Variants in ZFPM2 observed in about 807,000 individuals in gnomAD.
ZFPM2 encodes the protein zinc finger protein, FOG family member 2.
ZFPM2 carries 20 observed loss-of-function variants against 98.6 expected under a neutral mutation model. The observed-to-expected ratio is 0.20, with a 90% CI of 0.14 to 0.29. The LOEUF is 0.29. Among genes scored for constraint, ZFPM2 ranks in the 10% least tolerant of loss-of-function variants. ZFPM2 has a pLI of 1.00. For synonymous variants in ZFPM2, 518 were observed against 502.7 expected (o/e 1.03, Z -0.41); for missense variants, 1,310 against 1,388.6 (o/e 0.94, Z 0.90).
chr8:105,721,727 A>G (rs934854507), intron 5 of ZFPM2, among the ~76,000 whole-genome samples: 23 of 151,928 alleles, frequency 1.5e-4, no homozygotes, highest in African/African-American at 4.6e-4. Flanking sequence ...CCTTCTATCC[A>G]TGAATATTGA....
At chr8:105,669,296 A>G (rs1289556726) in intron 5 of ZFPM2, among the ~76,000 whole-genome samples, 1 of 151,932 alleles carries the variant, frequency 6.6e-6, no homozygotes, top group Non-Finnish European at 1.5e-5. Flanking sequence ...AAATTCTCAT[A>G]GCTCTAGGTC....
At chr8:105,664,130 G>A (rs1817444690) in intron 5 of ZFPM2, among the ~76,000 whole-genome samples, 1 of 152,162 alleles carries the variant, frequency 6.6e-6, no homozygotes, top group South Asian at 2.1e-4. Flanking sequence ...TTAAAGGTTG[G>A]TAGATTTTGA....
intron 1 of ZFPM2, among the ~76,000 whole-genome samples, chr8:105,404,304 T>C (rs1315436235): frequency 6.6e-6 from 1 of 151,992 alleles, no homozygotes; most frequent in African/African-American, 2.4e-5. Flanking sequence ...TTGTGGAAAA[T>C]AGAATTTATT....
chr8:105,599,075 C>T (rs181672901), intron 4 of ZFPM2, among the ~76,000 whole-genome samples: 63 of 152,038 alleles, frequency 4.1e-4, no homozygotes, highest in African/African-American at 1.4e-3. Context: ...ACTGTGGACC[C>T]GCAAAAAATT....
chr8:105,677,763 C>T (rs1810505194), intron 5 of ZFPM2, among the ~76,000 whole-genome samples: 1 of 152,056 alleles, frequency 6.6e-6, no homozygotes, highest in East Asian at 1.9e-4. Context: ...TAGGAGATTC[C>T]TCTTTTAAAT....
At chr8:105,729,577 C>T (rs1439363381) in intron 5 of ZFPM2, among the ~76,000 whole-genome samples, 1 of 151,660 alleles carries the variant, frequency 6.6e-6, no homozygotes, top group Non-Finnish European at 1.5e-5. Context: ...ACTTTAACAA[C>T]ATTACGCTAA....
chr8:105,444,186 A>T, intron 2 of ZFPM2, 94 bp from the exon 3 acceptor site: 2 of 914,904 alleles, frequency 2.2e-6, no homozygotes, highest in Non-Finnish European at 3.5e-6. Context: ...ACCTGTAATT[A>T]GATATATGAT....
chr8:105,557,245 C>T (rs186255065), intron 3 of ZFPM2, among the ~76,000 whole-genome samples: 25 of 152,214 alleles, frequency 1.6e-4, no homozygotes, highest in African/African-American at 5.5e-4. Context: ...ATGATATACT[C>T]TTTAATCCTA....
intron 1 of ZFPM2, among the ~76,000 whole-genome samples, chr8:105,413,074 C>T (rs1325731027): frequency 6.6e-6 from 1 of 151,606 alleles, no homozygotes; most frequent in Non-Finnish European, 1.5e-5. Context: ...TATTTTTTTC[C>T]CCAATACTAA....
At chr8:105,459,840 T>C (rs1196958065) in intron 3 of ZFPM2, among the ~76,000 whole-genome samples, 2 of 152,162 alleles carry the variant, frequency 1.3e-5, no homozygotes. Flanking sequence ...ATATGAGTTT[T>C]GGGGGAACAC....
At chr8:105,434,362 G>C (rs1215385990) in intron 2 of ZFPM2, among the ~76,000 whole-genome samples, 1 of 152,116 alleles carries the variant, frequency 6.6e-6, no homozygotes, top group African/African-American at 2.4e-5. Flanking sequence ...AATATTGTGA[G>C]GCTATTAAGC....
chr8:105,643,326 A>G (rs1816981103), intron 5 of ZFPM2, among the ~76,000 whole-genome samples: 1 of 152,110 alleles, frequency 6.6e-6, no homozygotes, highest in Admixed American at 6.6e-5. Flanking sequence ...TCGTTTTCCT[A>G]TCAGCCCCTC....
intron 3 of ZFPM2, among the ~76,000 whole-genome samples, chr8:105,475,725 C>T (rs113560606): frequency 0.015 from 2,288 of 152,212 alleles, 54 homozygotes; most frequent in African/African-American, 0.053. Context: ...AAACAAAATT[C>T]GTCAGCTGTT....
intron 2 of ZFPM2, among the ~76,000 whole-genome samples, chr8:105,443,981 A>T (rs1026841173): frequency 1.3e-5 from 2 of 152,204 alleles, no homozygotes; most frequent in Admixed American, 6.5e-5. Flanking sequence ...AAAAAATTAT[A>T]AACTGCAATT....
chr8:105,321,373 A>G (rs1812022538), intron 1 of ZFPM2, among the ~76,000 whole-genome samples: 1 of 152,240 alleles, frequency 6.6e-6, no homozygotes, highest in Non-Finnish European at 1.5e-5. Context: ...TGGATCAAAT[A>G]TAAGTTTGGA....
At chr8:105,400,545 C>CT (rs1263466414) in intron 1 of ZFPM2, among the ~76,000 whole-genome samples, 1 of 152,000 alleles carries the variant, frequency 6.6e-6, no homozygotes, top group Non-Finnish European at 1.5e-5. Flanking sequence ...TTTTTTCTAA[C>CT]TTTATTGTTT....
At chr8:105,663,235 G>A (rs1051311509) in intron 5 of ZFPM2, among the ~76,000 whole-genome samples, 1 of 149,496 alleles carries the variant, frequency 6.7e-6, no homozygotes, top group African/African-American at 2.4e-5. Context: ...TTTAGTCGTG[G>A]GGGGCAAGGG....
chr8:105,683,403 G>A (rs776731997), intron 5 of ZFPM2, among the ~76,000 whole-genome samples: 7 of 152,058 alleles, frequency 4.6e-5, no homozygotes, highest in African/African-American at 1.4e-4. Context: ...AAACAGCCTC[G>A]TGGAATCAAG....
chr8:105,631,621 T>C (rs1816757003), intron 4 of ZFPM2, among the ~76,000 whole-genome samples: 2 of 152,314 alleles, frequency 1.3e-5, no homozygotes, highest in South Asian at 4.1e-4. Context: ...CCCGAAACAA[T>C]TGATACATGT....
Sources: allele counts gnomAD v4.1 joint callset (sites outside exome capture counted in the v4.1 genomes callset), GRCh38; gene constraint gnomAD v4.1.1; transcripts MANE v1.5; gene names NCBI Gene and HGNC (gene_info 2026-07-23, HGNC 2026-07-21).